Variants in GATAD1 observed in about 807,000 individuals in gnomAD.
GATAD1 encodes the protein GATA zinc finger domain-containing protein 1.
In GATAD1, 12 loss-of-function variants were observed where a neutral mutation model predicts 26.5. That is an observed-to-expected ratio of 0.45 (90% CI 0.29 to 0.73). GATAD1 has a LOEUF of 0.73. GATAD1 is among the 30% of genes least tolerant of loss of function. The probability of loss-of-function intolerance (pLI) is 0.10; values close to 1 mark genes in which losing one functional copy is unlikely to be tolerated. For missense variants in GATAD1, 266 were observed against 342.1 expected (o/e 0.78, Z 1.75); for synonymous variants, 129 against 133.1 (o/e 0.97, Z 0.21).
At chr7:92,467,836 C>T in the GATAD1 span, among the ~76,000 whole-genome samples, 1 of 152,214 alleles carries the variant, frequency 6.6e-6, no homozygotes, top group Non-Finnish European at 1.5e-5. Flanking sequence ...GTTTAATCTG[C>T]TTCAGGCAGA....
intron 4 of GATAD1, among the ~76,000 whole-genome samples, chr7:92,456,097 A>G (rs1789658380): frequency 6.6e-6 from 1 of 152,226 alleles, no homozygotes; most frequent in South Asian, 2.1e-4. Context: ...GATGTGAGGA[A>G]TGAAGGTATT....
At chr7:92,494,451 G>A in the GATAD1 span, 19 of 1,611,594 alleles carry the variant, frequency 1.2e-5, no homozygotes, top group Admixed American at 3.0e-4. Context: ...ATGACATTTT[G>A]TTATAACATT....
At chr7:92,455,178 A>C (rs1338616148) in intron 4 of GATAD1, among the ~76,000 whole-genome samples, 1 of 152,054 alleles carries the variant, frequency 6.6e-6, no homozygotes, top group Non-Finnish European at 1.5e-5. Context: ...AAAATTAGAG[A>C]GCTTTATAGA....
chr7:92,476,749 G>T, the GATAD1 span, among the ~76,000 whole-genome samples: 1 of 151,992 alleles, frequency 6.6e-6, no homozygotes, highest in African/African-American at 2.4e-5. Context: ...CCTGGCAAGG[G>T]TGGTGGGGAG....
At position 92,447,617 on chromosome 7, in the gene GATAD1, G is replaced by T; in HGVS notation, c.-113G>T. On this transcript the variant is annotated 5_prime_UTR_variant, in exon 1 of 5. Coordinates refer to ENST00000287957, the MANE Select transcript of GATAD1 (RefSeq NM_021167.5). ...CTTTCACCGGCAGCTCCGTGCCGAC[G>T]CTCTCACCGCTCTTCCTATCGCCGG... is the stretch of plus-strand genomic sequence containing the variant. 2 of 1,286,888 alleles carry T rather than the reference G, an allele frequency of 1.6e-6. No homozygotes were observed. The highest frequency in any genetic ancestry group is 2.0e-6 in the Non-Finnish European group (2 of 1,008,358). The allele number at this position is 1,286,888 out of a possible 1,614,324, so 79.7% of individuals were successfully genotyped here.
chr7:92,467,210 C>G, the GATAD1 span, among the ~76,000 whole-genome samples: 5 of 151,832 alleles, frequency 3.3e-5, no homozygotes, highest in Non-Finnish European at 5.9e-5. Context: ...TCCTAGCTAC[C>G]AGGGAGGTTG....
chr7:92,451,584 A>C (rs1789432285), intron 3 of GATAD1, among the ~76,000 whole-genome samples: 1 of 152,202 alleles, frequency 6.6e-6, no homozygotes, highest in Non-Finnish European at 1.5e-5. Context: ...CAATCTATAT[A>C]GTCGAAGTCT....
At chr7:92,462,795 C>T (rs1049592347), downstream of GATAD1, among the ~76,000 whole-genome samples, 1 of 152,204 alleles carries the variant, frequency 6.6e-6, no homozygotes, top group Non-Finnish European at 1.5e-5. Flanking sequence ...CCTTTCTCTC[C>T]TCACTATGTA....
chr7:92,482,971 G>A, the GATAD1 span, among the ~76,000 whole-genome samples: 1 of 152,168 alleles, frequency 6.6e-6, no homozygotes, highest in African/African-American at 2.4e-5. Context: ...GATGGACTTA[G>A]CCTCCACTGT....
chr7:92,450,726 C>T lies in GATAD1; in HGVS notation c.401C>T (p.Ser134Phe). The change falls in exon 3 of 5, where the codon TCC becomes TTC. Residue 134 changes from serine (S) to phenylalanine (F), a missense_variant. Physicochemically the swap from Ser to Phe is radical, Grantham distance 155. Coordinates refer to ENST00000287957, the MANE Select transcript of GATAD1 (RefSeq NM_021167.5). ...KNPIKAPESV[S>F]TIITAESIFY... ...CCCATCAAAGCTCCTGAGTCAGTTT[C>T]CACTATAATCACTGCAGAATCAATC... 1 of 1,609,934 alleles carries T rather than the reference C, an allele frequency of 6.2e-7. No homozygotes were observed. Among genetic ancestry groups the T allele is most frequent in the South Asian group, 1.1e-5 (1 of 90,950 alleles).
the GATAD1 span, chr7:92,489,768 ATC>A: frequency 6.2e-7 from 1 of 1,613,956 alleles, no homozygotes; most frequent in Non-Finnish European, 8.5e-7. Flanking sequence ...CCCTCAGTTG[ATC>A]TCTTTGTTCT....
At chr7:92,474,802 G>A in the GATAD1 span, 1 of 152,172 alleles carries the variant, frequency 6.6e-6, no homozygotes, top group Non-Finnish European at 1.5e-5. Flanking sequence ...ACCTAAGTCT[G>A]TTTTTATTTG....
the GATAD1 span, among the ~76,000 whole-genome samples, chr7:92,479,340 T>C: frequency 6.7e-6 from 1 of 149,862 alleles, no homozygotes; most frequent in Non-Finnish European, 1.5e-5. Flanking sequence ...AGGATTTGGG[T>C]GGGTAGTGGA....
chr7:92,470,237 C>A, the GATAD1 span: 1 of 778,652 alleles, frequency 1.3e-6, no homozygotes, highest in South Asian at 1.3e-5. Flanking sequence ...TACGATGGGG[C>A]ATCAATATTT....
chr7:92,469,766 A>G, the GATAD1 span: 1 of 764,348 alleles, frequency 1.3e-6, no homozygotes, highest in South Asian at 1.3e-5. Flanking sequence ...AAGTTGTTCC[A>G]TTGTTCAGGT....
the GATAD1 span, chr7:92,471,091 TG>T: frequency 0.013 from 2,102 of 166,912 alleles, 20 homozygotes; most frequent in South Asian, 0.02. Flanking sequence ...AGTCCGAATC[TG>T]GGAATTATTT....
At chr7:92,480,106 G>A in the GATAD1 span, among the ~76,000 whole-genome samples, 1 of 152,080 alleles carries the variant, frequency 6.6e-6, no homozygotes, top group Non-Finnish European at 1.5e-5. Context: ...GGACAGTAAG[G>A]GGTACGAAGG....
the GATAD1 span, among the ~76,000 whole-genome samples, chr7:92,478,597 C>G: frequency 6.6e-6 from 1 of 152,160 alleles, no homozygotes; most frequent in Admixed American, 6.5e-5. Context: ...CTGCAGGGAT[C>G]TTTGGTGCTG....
At chr7:92,490,037 TA>T in the GATAD1 span, 1 of 783,590 alleles carries the variant, frequency 1.3e-6, no homozygotes, top group South Asian at 1.6e-5. Flanking sequence ...GTATACATGT[TA>T]ATTAACTGAA....
Sources: gnomAD v4.1 joint callset for allele counts (sites outside exome capture counted in the v4.1 genomes callset) on GRCh38, gnomAD v4.1.1 for gene constraint, MANE v1.5 for transcripts, NCBI Gene and HGNC (gene_info 2026-07-23, HGNC 2026-07-21) for gene names.